The following CLOCK variants were observed in gnomAD, a reference collection of about 807,000 sequenced individuals.
CLOCK encodes the protein circadian locomoter output cycles protein kaput.
In CLOCK, 43 loss-of-function variants were observed where a neutral mutation model predicts 118.4. That is an observed-to-expected ratio of 0.36 (90% CI 0.28 to 0.47). The LOEUF (loss-of-function observed/expected upper bound fraction) is 0.47, where lower values mean the gene tolerates loss of function less well. CLOCK is among the 20% of genes least tolerant of loss of function. The probability of loss-of-function intolerance (pLI) is 1.00; values close to 1 mark genes in which losing one functional copy is unlikely to be tolerated. For synonymous variants in CLOCK, 326 were observed against 339.2 expected (o/e 0.96, Z 0.43); for missense variants, 846 against 999.9 (o/e 0.85, Z 2.08).
intron 18 of CLOCK, among the ~76,000 whole-genome samples, 185 bp downstream of exon 18, chr4:55,448,594 A>ATGCG (rs1553891179): frequency 2.2e-4 from 18 of 81,402 alleles, no homozygotes; most frequent in South Asian, 1.5e-3. Context: ...GCGCGCGCGC[A>ATGCG]CGCGCGCGTG....
In CLOCK at chr4:55,524,536, G is replaced by C. The variant is rs1730051631; in HGVS notation, c.-289-14471C>G. Among the ~76,000 whole-genome samples the C allele has an allele frequency of 3.9e-5, 6 of 152,136 alleles. No individual in the cohort carries two copies. In the South Asian group the frequency reaches 1.2e-3, roughly 32 times the overall value. On this transcript the variant is annotated intron_variant, in intron 1 of 22. Transcript: ENST00000513440. ...TCTTCATGCATTGATTTCTGAGTTT[G>C]AGAAAATTCACCTATTATATGAATA...
At chr4:55,463,945 A>G in intron 8 of CLOCK, 140 bp from the exon 9 acceptor site, 1 of 820,802 alleles carries the variant, frequency 1.2e-6, no homozygotes, top group Non-Finnish European at 1.8e-6. Flanking sequence ...TATAGACCAA[A>G]TCTCAAAAAA....
chr4:55,544,265 G>C (rs760057966), intron 1 of CLOCK, among the ~76,000 whole-genome samples: 1 of 151,828 alleles, frequency 6.6e-6, no homozygotes, highest in Non-Finnish European at 1.5e-5. Flanking sequence ...TTCCCAACCT[G>C]AAAAGCAAAC....
At chr4:55,477,557 A>T (rs1015035837) in intron 6 of CLOCK, among the ~76,000 whole-genome samples, 4 of 152,152 alleles carry the variant, frequency 2.6e-5, no homozygotes, top group Non-Finnish European at 5.9e-5. Context: ...AAGGCAAGTT[A>T]AGAGAAAGAG....
intron 2 of CLOCK, among the ~76,000 whole-genome samples, chr4:55,502,068 A>T (rs545677050): frequency 9.8e-4 from 150 of 152,360 alleles, no homozygotes; most frequent in Non-Finnish European, 2.0e-3. Context: ...GAGAAATTAT[A>T]AAAGTCTAAA....
intron 1 of CLOCK, among the ~76,000 whole-genome samples, chr4:55,519,217 A>G (rs1461777000): frequency 6.6e-6 from 1 of 152,000 alleles, no homozygotes; most frequent in Non-Finnish European, 1.5e-5. Flanking sequence ...ATACCCAGCC[A>G]ATTTTTAAAA....
rs1397185495 is a variant in CLOCK at position 55,458,950 on chromosome 4, T to C, written c.734A>G (p.Tyr245Cys). The change falls in exon 11 of 23, where the codon TAT (tyrosine) becomes TGT (cysteine). Residue 245 changes from tyrosine to cysteine, a missense_variant. Tyr to Cys is a radical substitution (Grantham distance 194, BLOSUM62 -2). This residue lies in a region of CLOCK where 246 missense variants were observed against 300.2 expected (regional missense o/e 0.82). Transcript: ENST00000513440. The stretch of plus-strand genomic sequence containing the variant: ...AGCTACAAAACAAACTCTATCTTCA[T>C]AAGATGGCCTATGTGTGCGTTGTAT... ...GTIQRTHRPSYEDRVCFVATV... is the reference protein window; with the variant it reads ...GTIQRTHRPSCEDRVCFVATV... The C allele has an allele frequency of 5.6e-6, 9 of 1,613,982 alleles. No individual in the cohort carries two copies. The highest frequency in any genetic ancestry group is 2.5e-6 in the Non-Finnish European group (3 of 1,179,950).
At chr4:55,503,526 G>A (rs904936167) in intron 2 of CLOCK, among the ~76,000 whole-genome samples, 3 of 152,074 alleles carry the variant, frequency 2.0e-5, no homozygotes, top group African/African-American at 7.2e-5. Flanking sequence ...AATGGGTGTT[G>A]ACTTCATAAA....
chr4:55,435,658 C>G, intron 22 of CLOCK, 64 bp from the exon 23 acceptor site: 2 of 1,510,500 alleles, frequency 1.3e-6, no homozygotes, highest in South Asian at 1.1e-5. Context: ...ATAATAGTTA[C>G]TCACACTCTC....
chr4:55,466,891 T>C (rs1158961300), intron 8 of CLOCK, among the ~76,000 whole-genome samples: 1 of 152,228 alleles, frequency 6.6e-6, no homozygotes, highest in Non-Finnish European at 1.5e-5. Context: ...AAAGGAAATA[T>C]AAGTTCTGCT....
At chr4:55,546,305 C>T (rs577549427) in intron 1 of CLOCK, among the ~76,000 whole-genome samples, 9 of 152,172 alleles carry the variant, frequency 5.9e-5, no homozygotes, top group Non-Finnish European at 1.2e-4. Context: ...CAGGTAACCC[C>T]AGCTGCCCCA....
rs767736885 is a variant in CLOCK, at chr4:55,453,875, A to G, written c.983-51T>C. 8.7e-5 allele frequency: 120 copies of G among 1,371,564 alleles called. 1 individual carries two copies. In the South Asian group the frequency reaches 1.6e-3, roughly 18 times the overall value. 85.0% of individuals were successfully genotyped at this position (1,371,564 alleles called of 1,614,324 possible). A position where few individuals can be genotyped will look rare whatever the true frequency, so the allele number is the denominator to read the frequency against. ...TTTCTTTAATTCATATTATATAAAG[A>G]TTGTTTTTTAACCAAAAGCTATCAT... On this transcript the variant is annotated intron_variant, in intron 13 of 22. Coordinates refer to ENST00000513440, the MANE Select transcript of CLOCK (RefSeq NM_004898.4).
chr4:55,474,889 G>C (rs1303381681), intron 7 of CLOCK, among the ~76,000 whole-genome samples: 2 of 152,218 alleles, frequency 1.3e-5, no homozygotes, highest in Non-Finnish European at 2.9e-5. Flanking sequence ...AGTGCTGATG[G>C]AGATGTACAA....
chr4:55,484,531 C>T lies in CLOCK; in HGVS notation c.-43-1703G>A, dbSNP rs191850292. On this transcript the variant is annotated intron_variant, in intron 3 of 22. Transcript: ENST00000513440. ...AGAGAATTTAAAGACCACCTAAGTA[C>T]ATTTCTCTGGTCCAACAGACATATT... 1.4e-3 allele frequency among the ~76,000 whole-genome samples: 214 copies of T among 152,294 alleles called. 2 individuals are homozygous for T. The highest frequency in any genetic ancestry group is 9.3e-3 in the South Asian group (45 of 4,822).
At chr4:55,440,177 A>G (rs1723243582) in intron 21 of CLOCK, among the ~76,000 whole-genome samples, 1 of 152,234 alleles carries the variant, frequency 6.6e-6, no homozygotes, top group South Asian at 2.1e-4. Context: ...CTAGGTTTAT[A>G]GAAGAAATTT....
intron 1 of CLOCK, among the ~76,000 whole-genome samples, chr4:55,522,143 A>C (rs909035521): frequency 1.3e-4 from 20 of 152,216 alleles, no homozygotes; most frequent in African/African-American, 4.8e-4. Context: ...TTCAGACCCA[A>C]ATATGAAGGC....
chr4:55,474,433 T>C (rs553832008), intron 7 of CLOCK, among the ~76,000 whole-genome samples: 139 of 152,306 alleles, frequency 9.1e-4, no homozygotes, highest in African/African-American at 3.0e-3. Context: ...AGTGCTGATG[T>C]AGAAGCTAGA....
chr4:55,533,319 A>G (rs914145339), intron 1 of CLOCK, among the ~76,000 whole-genome samples: 2 of 152,204 alleles, frequency 1.3e-5, no homozygotes, highest in African/African-American at 4.8e-5. Flanking sequence ...ACGCTCGCAC[A>G]TGCCACCAAA....
intron 17 of CLOCK, 112 bp from the exon 18 acceptor site, chr4:55,448,980 A>T: frequency 1.2e-6 from 1 of 868,404 alleles, no homozygotes; most frequent in Non-Finnish European, 1.9e-6. Context: ...TTTGCCTCAT[A>T]CTTTTGTTAG....
Sources: gnomAD v4.1 joint callset for allele counts (sites outside exome capture counted in the v4.1 genomes callset) on GRCh38, gnomAD v4.1.1 for gene constraint, gnomAD v4.1.1 regional missense constraint, MANE v1.5 for transcripts, NCBI Gene and HGNC (gene_info 2026-07-23, HGNC 2026-07-21) for gene names.